The following PANX1 variants were observed in gnomAD, a reference collection of about 807,000 sequenced individuals.
PANX1 encodes pannexin 1.
In PANX1, 30 loss-of-function variants were observed where a neutral mutation model predicts 38.7. The ratio of observed to expected loss-of-function variants is 0.78; its 90% confidence interval spans 0.58 to 1.05. The LOEUF is 1.05. Ranked by LOEUF, PANX1 falls within the 50% of genes least tolerant of loss-of-function variation. PANX1 has a pLI of 0.00. For synonymous variants in PANX1, 230 were observed against 212.2 expected (o/e 1.08, Z -0.73); for missense variants, 551 against 517.2 (o/e 1.07, Z -0.63).
At chr11:94,132,158 A>C (rs1946637417) in intron 1 of PANX1, among the ~76,000 whole-genome samples, 1 of 152,238 alleles carries the variant, frequency 6.6e-6, no homozygotes, top group South Asian at 2.1e-4. Flanking sequence ...TTTTGGCATC[A>C]TCAGACCTTG....
intron 2 of PANX1, among the ~76,000 whole-genome samples, chr11:94,156,300 A>G (rs1247646821): frequency 2.0e-5 from 3 of 152,198 alleles, no homozygotes; most frequent in African/African-American, 7.2e-5. Context: ...CCAAACCTTA[A>G]GTTACCTGGT....
At position 94,180,872 on chromosome 11, in the gene PANX1, A is replaced by AT; in HGVS notation, c.*10dup. ...GACTTCTGGATTCTTCTTGCTGATG[A>AT]TTTTTTTCCTTGAGCTGTAAATCTG... On this transcript the variant is annotated 3_prime_UTR_variant, in exon 5 of 5. Transcript: ENST00000227638. 3 of 1,555,970 alleles carry AT rather than the reference A, an allele frequency of 1.9e-6. No homozygotes were observed. Among genetic ancestry groups the AT allele is most frequent in the Middle Eastern group, 1.7e-4 (1 of 5,952 alleles).
At chr11:94,153,311 A>G (rs1431583545) in intron 1 of PANX1, among the ~76,000 whole-genome samples, 180 bp from the exon 2 acceptor site, 2 of 152,178 alleles carry the variant, frequency 1.3e-5, no homozygotes, top group Non-Finnish European at 2.9e-5. Context: ...TGTTGGCCAA[A>G]ACCACTCTGT....
Position 94,129,195 on chromosome 11 carries a change from G to A in PANX1, c.-118G>A. On this transcript the variant is annotated 5_prime_UTR_variant, in exon 1 of 5. Coordinates refer to ENST00000227638, the MANE Select transcript of PANX1 (RefSeq NM_015368.4). ...ACACAAAGGCAGGCGGGATGCGGGAGCAGGCAAAGGGAAAGCGAAAGCCGC... is the reference window on the plus strand; with the variant it reads ...ACACAAAGGCAGGCGGGATGCGGGAACAGGCAAAGGGAAAGCGAAAGCCGC... The A allele has an allele frequency of 1.4e-6, 1 of 736,054 alleles. No individual in the cohort carries two copies. Among genetic ancestry groups the A allele is most frequent in the Admixed American group, 3.1e-5 (1 of 32,188 alleles). 45.6% of individuals were successfully genotyped at this position (736,054 alleles called of 1,614,324 possible). A position where few individuals can be genotyped will look rare whatever the true frequency, so the allele number is the denominator to read the frequency against.
At chr11:94,138,646 C>G (rs1363186787) in intron 1 of PANX1, among the ~76,000 whole-genome samples, 1 of 152,164 alleles carries the variant, frequency 6.6e-6, no homozygotes. Flanking sequence ...TCCTTCGTTA[C>G]AAACAATCCA....
intron 2 of PANX1, among the ~76,000 whole-genome samples, chr11:94,162,871 C>CTTTTTTTT (rs59182320): frequency 0.034 from 3,668 of 107,112 alleles, 411 homozygotes; most frequent in African/African-American, 0.12. Context: ...ACCAACCTCT[C>CTTTTTTTT]TTTTTTTTTT....
Position 94,150,592 on chromosome 11 carries a change from C to A in PANX1, c.182-2899C>A, listed in dbSNP as rs76976803. 6.3e-3 allele frequency among the ~76,000 whole-genome samples: 960 copies of A among 152,198 alleles called. 9 individuals are homozygous for A. Among genetic ancestry groups the A allele is most frequent in the African/African-American group, 0.021 (880 of 41,526 alleles). ...CACCCTGACCCCTTGCCTTTAGGTG[C>A]CTTCAGGCAGCCTGGGTGAAGGTGT... is the stretch of plus-strand genomic sequence containing the variant. On this transcript the variant is annotated intron_variant, in intron 1 of 4. Transcript: ENST00000227638.
chr11:94,146,898 G>T (rs1474508074), intron 1 of PANX1, among the ~76,000 whole-genome samples: 2 of 152,152 alleles, frequency 1.3e-5, no homozygotes, highest in Non-Finnish European at 2.9e-5. Flanking sequence ...GGTATTTTAA[G>T]AACTTTAGTA....
chr11:94,180,903 T>G lies in PANX1; in HGVS notation c.*34T>G, dbSNP rs912981146. 2 of 1,224,946 alleles carry G rather than the reference T, an allele frequency of 1.6e-6. No homozygotes were observed. The highest frequency in any genetic ancestry group is 2.4e-6 in the Non-Finnish European group (2 of 825,276). 75.9% of individuals were successfully genotyped at this position (1,224,946 alleles called of 1,614,324 possible). A position where few individuals can be genotyped will look rare whatever the true frequency, so the allele number is the denominator to read the frequency against. On this transcript the variant is annotated 3_prime_UTR_variant, in exon 5 of 5. Transcript: ENST00000227638. ...TTCCTTGAGCTGTAAATCTGTGACT[T>G]CTGCGACATGGGATTTAATTTGGCT...
chr11:94,150,224 T>C (rs1341482646), intron 1 of PANX1, among the ~76,000 whole-genome samples: 3 of 152,134 alleles, frequency 2.0e-5, no homozygotes, highest in East Asian at 1.9e-4. Flanking sequence ...ATCAGGCCTA[T>C]ACAAGCCACA....
At chr11:94,131,846 A>G (rs1350999986) in intron 1 of PANX1, among the ~76,000 whole-genome samples, 1 of 152,180 alleles carries the variant, frequency 6.6e-6, no homozygotes, top group Non-Finnish European at 1.5e-5. Context: ...GTATGCACTC[A>G]GCCAAAAACA....
chr11:94,158,063 G>A (rs200750841), intron 2 of PANX1, among the ~76,000 whole-genome samples: 3 of 152,042 alleles, frequency 2.0e-5, no homozygotes, highest in Non-Finnish European at 4.4e-5. Context: ...TAGATATGTG[G>A]CATTATTTCT....
At chr11:94,160,780 G>T (rs932778597) in intron 2 of PANX1, among the ~76,000 whole-genome samples, 17 of 152,204 alleles carry the variant, frequency 1.1e-4, no homozygotes, top group African/African-American at 3.1e-4. Context: ...GATGTTAGCT[G>T]GTTATTTTGC....
chr11:94,167,116 G>A (rs6483299), intron 2 of PANX1, among the ~76,000 whole-genome samples: 3,425 of 152,228 alleles, frequency 0.022, 87 homozygotes, highest in East Asian at 0.066. Context: ...AGTCTGCCTG[G>A]TGTTGTGTGA....
intron 2 of PANX1, among the ~76,000 whole-genome samples, chr11:94,169,824 C>T (rs1299724430): frequency 6.6e-6 from 1 of 151,594 alleles, no homozygotes; most frequent in South Asian, 2.1e-4. Flanking sequence ...GAACTCCTCA[C>T]CTCTAAAACC....
chr11:94,180,406 G>T, intron 4 of PANX1, 149 bp downstream of exon 4: 1 of 633,556 alleles, frequency 1.6e-6, no homozygotes, highest in Non-Finnish European at 2.7e-6. Flanking sequence ...GGTAGGGGGA[G>T]TGGGAACCCC....
intron 2 of PANX1, among the ~76,000 whole-genome samples, chr11:94,163,952 A>G (rs751778677): frequency 3.9e-5 from 6 of 151,986 alleles, no homozygotes; most frequent in Non-Finnish European, 7.4e-5. Flanking sequence ...TCATGGTCCA[A>G]TCTTGGTAGG....
intron 1 of PANX1, among the ~76,000 whole-genome samples, chr11:94,146,016 G>A (rs1272336350): frequency 6.6e-6 from 1 of 152,186 alleles, no homozygotes; most frequent in Non-Finnish European, 1.5e-5. Context: ...CCAAATAATG[G>A]TTTTAAAATT....
intron 2 of PANX1, among the ~76,000 whole-genome samples, chr11:94,169,533 A>G (rs1366740884): frequency 1.3e-5 from 2 of 151,646 alleles, no homozygotes; most frequent in Non-Finnish European, 2.9e-5. Flanking sequence ...ATTATAGCAG[A>G]TGTAATTAGT....
Sources: gnomAD v4.1 joint callset for allele counts (sites outside exome capture counted in the v4.1 genomes callset) on GRCh38, gnomAD v4.1.1 for gene constraint, MANE v1.5 for transcripts, NCBI Gene and HGNC (gene_info 2026-07-23, HGNC 2026-07-21) for gene names.